The following KCNC2 variants were observed in gnomAD, a reference collection of about 807,000 sequenced individuals.
KCNC2 encodes voltage-gated potassium channel KCNC2.
KCNC2 carries 21 observed loss-of-function variants against 44.5 expected under a neutral mutation model. That is an observed-to-expected ratio of 0.47 (90% CI 0.33 to 0.68). The LOEUF (loss-of-function observed/expected upper bound fraction) is 0.68. Among genes scored for constraint, KCNC2 ranks in the 30% least tolerant of loss-of-function variants. KCNC2 has a pLI of 0.01. For synonymous variants in KCNC2, 391 were observed against 339.1 expected, an observed-to-expected ratio of 1.15 and a Z score of -1.68; for missense variants, 589 against 826.2, an observed-to-expected ratio of 0.71 and a Z score of 3.52.
chr12:75,182,508 G>A (rs1283344170), intron 2 of KCNC2, among the ~76,000 whole-genome samples: 6 of 124,580 alleles, frequency 4.8e-5, no homozygotes, highest in Non-Finnish European at 9.5e-5. Flanking sequence ...GCGACAGAGC[G>A]AGATTCCGTC....
At chr12:75,128,597 CT>C (rs1888609719) in intron 2 of KCNC2, among the ~76,000 whole-genome samples, 1 of 152,052 alleles carries the variant, frequency 6.6e-6, no homozygotes, top group Non-Finnish European at 1.5e-5. Flanking sequence ...CCAATCTCCT[CT>C]GTTCAGAAGA....
intron 2 of KCNC2, among the ~76,000 whole-genome samples, chr12:75,130,989 C>T (rs1182999310): frequency 2.6e-5 from 4 of 151,958 alleles, no homozygotes; most frequent in Non-Finnish European, 5.9e-5. Flanking sequence ...GTAGAATACC[C>T]TTTGGGATAT....
intron 2 of KCNC2, among the ~76,000 whole-genome samples, chr12:75,198,878 T>G (rs1385372413): frequency 6.6e-6 from 1 of 151,714 alleles, no homozygotes; most frequent in Non-Finnish European, 1.5e-5. Context: ...TTTATATTGG[T>G]CCAAATAGTT....
intron 2 of KCNC2, among the ~76,000 whole-genome samples, chr12:75,165,894 A>G (rs912258868): frequency 1.3e-5 from 2 of 151,624 alleles, no homozygotes; most frequent in South Asian, 2.1e-4. Flanking sequence ...AAACTGATAT[A>G]AAGATTTGGT....
chr12:75,153,014 A>G (rs569881072), intron 2 of KCNC2, among the ~76,000 whole-genome samples: 1 of 152,046 alleles, frequency 6.6e-6, no homozygotes, highest in African/African-American at 2.4e-5. Context: ...GACAGTGGGA[A>G]AAGTGGCAAC....
chr12:75,121,712 A>G (rs1362310489), intron 2 of KCNC2, among the ~76,000 whole-genome samples: 1 of 152,224 alleles, frequency 6.6e-6, no homozygotes, highest in African/African-American at 2.4e-5. Context: ...CCTATGGAAT[A>G]GAAGCAATCA....
intron 2 of KCNC2, among the ~76,000 whole-genome samples, chr12:75,115,044 T>G (rs112063008): frequency 4.6e-5 from 7 of 152,070 alleles, no homozygotes; most frequent in African/African-American, 1.7e-4. Context: ...TTTGTATTTT[T>G]AGTAGAGACT....
chr12:75,156,474 G>T (rs966332877), intron 2 of KCNC2, among the ~76,000 whole-genome samples: 3 of 151,722 alleles, frequency 2.0e-5, no homozygotes, highest in African/African-American at 4.8e-5. Flanking sequence ...GCCTCGCACA[G>T]CCTAAAATGT....
chr12:75,188,750 C>T (rs2029909954), intron 2 of KCNC2, among the ~76,000 whole-genome samples: 1 of 151,560 alleles, frequency 6.6e-6, no homozygotes, highest in South Asian at 2.1e-4. Context: ...ATCCCAGCTA[C>T]TCGGGAGGCT....
chr12:75,074,752 G>C (rs746597308), intron 2 of KCNC2, among the ~76,000 whole-genome samples: 5 of 152,162 alleles, frequency 3.3e-5, no homozygotes, highest in Admixed American at 6.5e-5. Flanking sequence ...ATGATACTGA[G>C]ATGGCAAAGA....
intron 2 of KCNC2, among the ~76,000 whole-genome samples, chr12:75,117,280 T>C (rs1887729715): frequency 6.6e-6 from 1 of 152,078 alleles, no homozygotes; most frequent in South Asian, 2.1e-4. Context: ...AAGGAGAAAA[T>C]CTGGAAAAAA....
At chr12:75,154,323 A>C (rs1890613128) in intron 2 of KCNC2, among the ~76,000 whole-genome samples, 1 of 152,050 alleles carries the variant, frequency 6.6e-6, no homozygotes, top group Non-Finnish European at 1.5e-5. Flanking sequence ...ATCTCAAACA[A>C]GCAATATTTT....
intron 2 of KCNC2, among the ~76,000 whole-genome samples, chr12:75,077,210 T>C (rs552646316): frequency 2.0e-5 from 3 of 152,314 alleles, no homozygotes; most frequent in Admixed American, 1.3e-4. Context: ...AGGACTAGCA[T>C]TGCCAGTGCT....
chr12:75,143,557 A>G (rs1170116466), intron 2 of KCNC2, among the ~76,000 whole-genome samples: 3 of 152,090 alleles, frequency 2.0e-5, no homozygotes, highest in African/African-American at 7.2e-5. Flanking sequence ...CAAGCCCTAC[A>G]TGCCTGTTAT....
intron 2 of KCNC2, among the ~76,000 whole-genome samples, chr12:75,193,604 G>T (rs1233443018): frequency 6.6e-6 from 1 of 152,110 alleles, no homozygotes; most frequent in Non-Finnish European, 1.5e-5. Flanking sequence ...AAAGAAAAGT[G>T]GAGCAAAATC....
At chr12:75,120,670 C>A (rs1887986260) in intron 2 of KCNC2, among the ~76,000 whole-genome samples, 1 of 152,114 alleles carries the variant, frequency 6.6e-6, no homozygotes, top group Non-Finnish European at 1.5e-5. Flanking sequence ...TTACAAAAGA[C>A]TCCTTGGCAT....
intron 2 of KCNC2, among the ~76,000 whole-genome samples, chr12:75,175,664 T>C (rs1379953): frequency 0.029 from 4,428 of 152,128 alleles, 217 homozygotes; most frequent in African/African-American, 0.1. Flanking sequence ...AACAGTAGTC[T>C]CTGAAGAGCT....
chr12:75,106,278 T>C (rs1886776501), intron 2 of KCNC2, among the ~76,000 whole-genome samples: 1 of 152,160 alleles, frequency 6.6e-6, no homozygotes, highest in Non-Finnish European at 1.5e-5. Flanking sequence ...TGGGTTCAAG[T>C]AAGACTTGGA....
At chr12:75,068,694 C>A (rs1353122574) in intron 2 of KCNC2, among the ~76,000 whole-genome samples, 1 of 151,948 alleles carries the variant, frequency 6.6e-6, no homozygotes, top group Non-Finnish European at 1.5e-5. Flanking sequence ...TTAACAGTTG[C>A]AAATATCAGG....
Sources: gnomAD v4.1 joint callset for allele counts (sites outside exome capture counted in the v4.1 genomes callset) on GRCh38, gnomAD v4.1.1 for gene constraint, MANE v1.5 for transcripts, NCBI Gene and HGNC (gene_info 2026-07-23, HGNC 2026-07-21) for gene names.